Variants in OR51B5 observed in about 807,000 individuals in gnomAD.
OR51B5 encodes the protein olfactory receptor 51B5.
For missense variants in OR51B5, 456 were observed against 374.6 expected, an observed-to-expected ratio of 1.22 and a Z score of -1.79; for synonymous variants, 186 against 144.8, an observed-to-expected ratio of 1.28 and a Z score of -2.04.
intron 1 of OR51B5, among the ~76,000 whole-genome samples, chr11:5,442,638 G>A (rs1166243550): frequency 6.6e-6 from 1 of 152,138 alleles, no homozygotes; most frequent in Non-Finnish European, 1.5e-5. Context: ...ATAGAAGCTT[G>A]TATTTTATCA....
At chr11:5,472,558 G>A (rs564877067) in intron 1 of OR51B5, among the ~76,000 whole-genome samples, 1 of 152,258 alleles carries the variant, frequency 6.6e-6, no homozygotes, top group African/African-American at 2.4e-5. Context: ...TAAGTCCAAG[G>A]GCTCCAAGAG....
At chr11:5,436,777 G>A (rs1315233571) in intron 1 of OR51B5, among the ~76,000 whole-genome samples, 2 of 152,148 alleles carry the variant, frequency 1.3e-5, no homozygotes, top group African/African-American at 2.4e-5. Flanking sequence ...AGAAGCACAA[G>A]CAGAATTGTA....
chr11:5,397,151 C>A (rs1223918728), intron 1 of OR51B5, among the ~76,000 whole-genome samples: 1 of 152,196 alleles, frequency 6.6e-6, no homozygotes, highest in African/African-American at 2.4e-5. Flanking sequence ...TGGGCATGGA[C>A]TTCATGTCTA....
intron 1 of OR51B5, among the ~76,000 whole-genome samples, chr11:5,404,743 G>A (rs569654065): frequency 5.2e-4 from 79 of 152,292 alleles, no homozygotes; most frequent in African/African-American, 1.8e-3. Flanking sequence ...CACTGCGAAG[G>A]TCTGCAGCTT....
intron 1 of OR51B5, among the ~76,000 whole-genome samples, chr11:5,358,820 G>T (rs1012924611): frequency 6.6e-6 from 1 of 151,716 alleles, no homozygotes; most frequent in Non-Finnish European, 1.5e-5. Context: ...TCATCCCTGG[G>T]ATGCAAGGCT....
At chr11:5,387,396 A>G (rs1849712136) in intron 1 of OR51B5, among the ~76,000 whole-genome samples, 2 of 152,190 alleles carry the variant, frequency 1.3e-5, no homozygotes, top group Admixed American at 6.5e-5. Flanking sequence ...AAAAAACATT[A>G]TAGGGTGGTT....
intron 1 of OR51B5, among the ~76,000 whole-genome samples, chr11:5,424,977 G>A (rs1245359164): frequency 1.2e-4 from 5 of 41,148 alleles, no homozygotes; most frequent in Non-Finnish European, 2.1e-4. Context: ...GTGAGACTCC[G>A]CCTCAAAAAA....
At chr11:5,400,870 G>C (rs1411981058) in intron 1 of OR51B5, among the ~76,000 whole-genome samples, 1 of 152,202 alleles carries the variant, frequency 6.6e-6, no homozygotes, top group Non-Finnish European at 1.5e-5. Context: ...GAATAGTGAG[G>C]TCCCTGTTGA....
chr11:5,502,077 T>C (rs1003163315), intron 1 of OR51B5, among the ~76,000 whole-genome samples: 1 of 152,158 alleles, frequency 6.6e-6, no homozygotes, highest in Admixed American at 6.6e-5. Context: ...CCAAAATATG[T>C]TCTCATTTGT....
At chr11:5,431,501 G>C (rs1270152419) in intron 1 of OR51B5, 2 of 164,156 alleles carry the variant, frequency 1.2e-5, no homozygotes, top group Non-Finnish European at 2.7e-5. Flanking sequence ...TGTACATGGT[G>C]AAGAAAGGGA....
At position 5,464,646 on chromosome 11, in the gene OR51B5, A is replaced by G. The variant is rs1460368689; in HGVS notation, n.84+40923T>C. 5.3e-5 allele frequency among the ~76,000 whole-genome samples: 8 copies of G among 152,100 alleles called. No homozygotes were observed. The South Asian group carries it at 1.0e-3, about 20-fold the overall frequency. ...ATTTTTTATGGCTGCATAGTATTCC[A>G]TGGTGTATATGTGCCACATTTTCTT... On this transcript the variant is annotated intron_variant and non_coding_transcript_variant, in intron 1 of 4. Coordinates refer to the OR51B5 transcript ENST00000415970.
intron 1 of OR51B5, among the ~76,000 whole-genome samples, chr11:5,424,027 C>T (rs1236910605): frequency 3.3e-5 from 5 of 152,062 alleles, no homozygotes; most frequent in Non-Finnish European, 5.9e-5. Context: ...AGTGATATGA[C>T]CTTAAGGATC....
At chr11:5,480,270 C>T (rs1475521267) in intron 1 of OR51B5, among the ~76,000 whole-genome samples, 24 of 150,416 alleles carry the variant, frequency 1.6e-4, no homozygotes, top group Middle Eastern at 3.4e-3. Context: ...GGATACATAA[C>T]GAAATGAAGG....
chr11:5,394,646 T>C (rs1849841283), intron 1 of OR51B5, among the ~76,000 whole-genome samples: 1 of 152,230 alleles, frequency 6.6e-6, no homozygotes, highest in Non-Finnish European at 1.5e-5. Context: ...ACTCTGAGCC[T>C]TTGTACATGT....
At chr11:5,416,111 G>C (rs1850240220) in intron 1 of OR51B5, among the ~76,000 whole-genome samples, 1 of 149,830 alleles carries the variant, frequency 6.7e-6, no homozygotes, top group Non-Finnish European at 1.5e-5. Context: ...GGGATGCAAG[G>C]CTGGTTCAAT....
upstream of OR51B5, among the ~76,000 whole-genome samples, chr11:5,343,956 TG>T (rs575096534): frequency 3.9e-5 from 6 of 152,200 alleles, no homozygotes; most frequent in South Asian, 1.2e-3. Context: ...TTCACAGTAG[TG>T]ATCCCTAATC....
intron 1 of OR51B5, chr11:5,440,861 A>T: frequency 6.2e-7 from 1 of 1,613,824 alleles, no homozygotes; most frequent in Non-Finnish European, 8.5e-7. Context: ...ATGCGTAGGA[A>T]AGCAGGATGA....
At chr11:5,432,961 A>G (rs141305922) in intron 1 of OR51B5, among the ~76,000 whole-genome samples, 211 of 152,332 alleles carry the variant, frequency 1.4e-3, no homozygotes, top group African/African-American at 4.9e-3. Context: ...ATCTCCATGT[A>G]TCCCCATTCC....
chr11:5,493,995 T>A (rs1271567343), intron 1 of OR51B5, among the ~76,000 whole-genome samples: 1 of 152,188 alleles, frequency 6.6e-6, no homozygotes, highest in Non-Finnish European at 1.5e-5. Context: ...TACTTTGTAA[T>A]TTCTGAGTTT....
Sources: gnomAD v4.1 joint callset for allele counts (sites outside exome capture counted in the v4.1 genomes callset) on GRCh38, gnomAD v4.1.1 for gene constraint, MANE v1.5 for transcripts, NCBI Gene and HGNC (gene_info 2026-07-23, HGNC 2026-07-21) for gene names.